Variants in APAF1 observed in about 807,000 individuals in gnomAD.
The protein encoded by APAF1 is apoptotic protease-activating factor 1.
In APAF1, 91 loss-of-function variants were observed where a neutral mutation model predicts 152.4. The observed-to-expected ratio is 0.60, with a 90% CI of 0.50 to 0.71. The LOEUF is 0.71. Among genes scored for constraint, APAF1 ranks in the 30% least tolerant of loss-of-function variants. The probability of loss-of-function intolerance (pLI) is 0.00; values close to 1 mark genes in which losing one functional copy is unlikely to be tolerated. For synonymous variants in APAF1, 484 were observed against 494.1 expected, an observed-to-expected ratio of 0.98 and a Z score of 0.27; for missense variants, 1,283 against 1,472.0, an observed-to-expected ratio of 0.87 and a Z score of 2.10.
intron 16 of APAF1, 125 bp downstream of exon 16, chr12:98,686,998 A>T: frequency 2.1e-6 from 2 of 967,788 alleles, no homozygotes; most frequent in Non-Finnish European, 3.2e-6. Context: ...AATTTCCAGG[A>T]GCATATTTAA....
intron 18 of APAF1, among the ~76,000 whole-genome samples, chr12:98,706,272 T>C (rs141918026): frequency 1.6e-3 from 248 of 152,352 alleles, no homozygotes; most frequent in African/African-American, 5.5e-3. Flanking sequence ...TGGTTCCCTA[T>C]TGATGAGTAT....
intron 26 of APAF1, among the ~76,000 whole-genome samples, chr12:98,728,517 G>A (rs1332897183): frequency 6.6e-6 from 1 of 151,986 alleles, no homozygotes; most frequent in Non-Finnish European, 1.5e-5. Context: ...GTCAGAAGTT[G>A]AAGACCAGCC....
chr12:98,659,206 C>T lies in APAF1; in HGVS notation c.573C>T (p.Asp191=), dbSNP rs143842243. ...ATTGGGTTTCAGTTGGGAAACAAGA[C>T]AAATCTGGGCTTCTGATGAAACTGC... The part of the protein sequence containing the change: ...GVHWVSVGKQ[D]KSGLLMKLQN... Residue 191 remains aspartate, a synonymous_variant, in exon 5 of 27, where the codon GAC becomes GAT. Coordinates refer to ENST00000551964, the MANE Select transcript of APAF1 (RefSeq NM_181861.2). The T allele has an allele frequency of 4.8e-4, 772 of 1,614,080 alleles. No homozygotes were observed. The highest frequency in any genetic ancestry group is 6.3e-4 in the Non-Finnish European group (747 of 1,180,046).
At chr12:98,703,179 G>A (rs570280673) in intron 17 of APAF1, among the ~76,000 whole-genome samples, 192 bp from the exon 18 acceptor site, 2 of 152,262 alleles carry the variant, frequency 1.3e-5, no homozygotes, top group South Asian at 4.1e-4. Context: ...TAGAAAATAT[G>A]TTTTAAGATG....
At position 98,687,324 on chromosome 12, in the gene APAF1, T is replaced by A. The variant is rs183604251; in HGVS notation, c.2304+451T>A. Among the ~76,000 whole-genome samples the A allele has an allele frequency of 2.9e-3, 438 of 148,704 alleles. 3 individuals are homozygous for A. The highest frequency in any genetic ancestry group is 0.01 in the African/African-American group (416 of 40,150). On this transcript the variant is annotated intron_variant, in intron 16 of 26. Coordinates refer to ENST00000551964, the MANE Select transcript of APAF1 (RefSeq NM_181861.2). ...TTGCAGTGAGCTGAGATCACGCCACTCCACTCCAGCCTGGGCGACAGAGTG... is the reference window on the plus strand; with the variant it reads ...TTGCAGTGAGCTGAGATCACGCCACACCACTCCAGCCTGGGCGACAGAGTG...
intron 19 of APAF1, 31 bp from the exon 20 acceptor site, chr12:98,708,554 T>C: frequency 1.2e-6 from 2 of 1,606,506 alleles, no homozygotes; most frequent in Non-Finnish European, 1.7e-6. Context: ...ATTTTAGAGA[T>C]GGAATGATAA....
chr12:98,732,244 T>A (rs753984114), intron 26 of APAF1, among the ~76,000 whole-genome samples, 176 bp from the exon 27 acceptor site: 2 of 152,196 alleles, frequency 1.3e-5, no homozygotes, highest in South Asian at 2.1e-4. Flanking sequence ...CCAGTGTTCA[T>A]CAGGAAGAGG....
intron 18 of APAF1, 110 bp from the exon 19 acceptor site, chr12:98,706,375 C>T: frequency 1.9e-6 from 2 of 1,040,620 alleles, no homozygotes; most frequent in Non-Finnish European, 3.0e-6. Flanking sequence ...TGTTTCTGAG[C>T]AATATTCATT....
chr12:98,655,985 G>C (rs191217501), intron 4 of APAF1, among the ~76,000 whole-genome samples: 2 of 151,984 alleles, frequency 1.3e-5, no homozygotes, highest in South Asian at 2.1e-4. Context: ...GGGTTTCACC[G>C]TGTTAGCCAG....
intron 4 of APAF1, among the ~76,000 whole-genome samples, chr12:98,650,056 G>A (rs2097646980): frequency 6.6e-6 from 1 of 152,122 alleles, no homozygotes; most frequent in African/African-American, 2.4e-5. Context: ...TAGGTTCTCA[G>A]GGTATTCATC....
intron 18 of APAF1, among the ~76,000 whole-genome samples, chr12:98,704,615 G>A (rs1445255173): frequency 6.6e-6 from 1 of 152,210 alleles, no homozygotes; most frequent in African/African-American, 2.4e-5. Flanking sequence ...TCTAGGTGCA[G>A]CAGTGCATGT....
At chr12:98,665,276 ATATTTT>A (rs1284341688) in intron 7 of APAF1, among the ~76,000 whole-genome samples, 8 of 67,876 alleles carry the variant, frequency 1.2e-4, no homozygotes, top group African/African-American at 4.6e-4. Context: ...ATATATATAT[ATATTTT>A]TTTTTTTTTT....
rs567874055 is a variant in APAF1 at position 98,715,659 on chromosome 12, A to G, written c.3084+107A>G. On this transcript the variant is annotated intron_variant, in intron 22 of 26. Coordinates refer to ENST00000551964, the MANE Select transcript of APAF1 (RefSeq NM_181861.2). The stretch of plus-strand genomic sequence containing the variant: ...ATATTTTAAACACATTACGTTGGGC[A>G]TACATTCAGATTATGTACATGGGCT... 175 of 1,288,652 alleles carry G rather than the reference A, an allele frequency of 1.4e-4. No homozygotes were observed. In the African/African-American group the frequency reaches 1.7e-3, roughly 13 times the overall value. 79.8% of individuals were successfully genotyped at this position (1,288,652 alleles called of 1,614,324 possible).
intron 12 of APAF1, among the ~76,000 whole-genome samples, chr12:98,676,737 C>T (rs1320546130): frequency 3.3e-5 from 5 of 150,784 alleles, no homozygotes; most frequent in African/African-American, 1.2e-4. Context: ...ACCTCCATCT[C>T]CCAGGTTCAA....
intron 22 of APAF1, among the ~76,000 whole-genome samples, chr12:98,717,041 A>AT (rs1017474181): frequency 7.3e-5 from 11 of 150,182 alleles, no homozygotes; most frequent in East Asian, 2.0e-4. Flanking sequence ...AATTTTTTGT[A>AT]TTTTTTTTAG....
intron 18 of APAF1, 135 bp downstream of exon 18, chr12:98,703,634 G>A (rs1008437944): frequency 9.1e-7 from 1 of 1,095,848 alleles, no homozygotes; most frequent in East Asian, 2.4e-5. Context: ...ATAGCCTAAT[G>A]ACCTCTAACT....
intron 18 of APAF1, among the ~76,000 whole-genome samples, chr12:98,706,271 A>G (rs568964108): frequency 2.6e-5 from 4 of 152,318 alleles, no homozygotes; most frequent in African/African-American, 4.8e-5. Flanking sequence ...TTGGTTCCCT[A>G]TTGATGAGTA....
chr12:98,688,698 C>T (rs1030902900), intron 16 of APAF1, among the ~76,000 whole-genome samples: 1 of 150,080 alleles, frequency 6.7e-6, no homozygotes, highest in Admixed American at 6.6e-5. Flanking sequence ...TGCTTGTCTC[C>T]AGCTCCTGGG....
At chr12:98,668,116 C>A (rs931507511) in intron 10 of APAF1, among the ~76,000 whole-genome samples, 1 of 152,106 alleles carries the variant, frequency 6.6e-6, no homozygotes, top group Admixed American at 6.6e-5. Flanking sequence ...TTAAATTTAC[C>A]ACTGTTGTTG....
Sources: gnomAD v4.1 joint callset for allele counts (sites outside exome capture counted in the v4.1 genomes callset) on GRCh38, gnomAD v4.1.1 for gene constraint, MANE v1.5 for transcripts, NCBI Gene and HGNC (gene_info 2026-07-23, HGNC 2026-07-21) for gene names.